ITGA1: variants seen among roughly 807,000 people sequenced by gnomAD.
ITGA1 encodes integrin subunit alpha 1, also known as integrin alpha-1.
In ITGA1, 85 loss-of-function variants were observed where a neutral mutation model predicts 145.9. That is an observed-to-expected ratio of 0.58 (90% CI 0.49 to 0.70). The LOEUF (loss-of-function observed/expected upper bound fraction) is 0.70, where lower values mean the gene tolerates loss of function less well. ITGA1 is among the 30% of genes least tolerant of loss of function. ITGA1 has a pLI of 0.00. For missense variants in ITGA1, 1,351 were observed against 1,418.7 expected (o/e 0.95, Z 0.77); for synonymous variants, 520 against 495.3 (o/e 1.05, Z -0.66).
chr5:52,792,820 T>C (rs1033239690), intron 1 of ITGA1, among the ~76,000 whole-genome samples: 4 of 152,162 alleles, frequency 2.6e-5, no homozygotes, highest in African/African-American at 9.6e-5. Flanking sequence ...AAAGATATTT[T>C]GAAACTGTTG....
At chr5:52,911,481 CTATA>C (rs576339075) in intron 14 of ITGA1, among the ~76,000 whole-genome samples, 2 of 121,032 alleles carry the variant, frequency 1.7e-5, no homozygotes, top group Admixed American at 9.9e-5. Context: ...TATAGATACA[CTATA>C]TATAGTATAT....
intron 15 of ITGA1, among the ~76,000 whole-genome samples, chr5:52,917,103 A>G (rs1750659862): frequency 6.6e-6 from 1 of 152,184 alleles, no homozygotes; most frequent in Non-Finnish European, 1.5e-5. Context: ...ATGATAGGAA[A>G]AACGTTTGGA....
intron 28 of ITGA1, among the ~76,000 whole-genome samples, chr5:52,949,479 C>T (rs1248194499): frequency 1.3e-5 from 2 of 152,140 alleles, no homozygotes; most frequent in East Asian, 3.8e-4. Context: ...CTACATTTTA[C>T]ACCTGAGGAC....
intron 1 of ITGA1, among the ~76,000 whole-genome samples, chr5:52,794,435 C>T (rs887684608): frequency 6.6e-6 from 1 of 151,246 alleles, no homozygotes; most frequent in African/African-American, 2.4e-5. Context: ...CTGTGTAACA[C>T]ATTTTACTTA....
chr5:52,932,994 T>A (rs1449256849), intron 22 of ITGA1: 2 of 152,092 alleles, frequency 1.3e-5, no homozygotes, highest in Non-Finnish European at 2.9e-5. Flanking sequence ...TCTTTTAATT[T>A]AAAAACTGTT....
intron 28 of ITGA1, among the ~76,000 whole-genome samples, chr5:52,951,201 C>T (rs183806965): frequency 1.4e-3 from 209 of 152,190 alleles, no homozygotes; most frequent in African/African-American, 4.8e-3. Context: ...GCCATAATTT[C>T]GTGATTAAAA....
At chr5:52,810,795 G>A (rs1415520554) in intron 1 of ITGA1, among the ~76,000 whole-genome samples, 2 of 152,102 alleles carry the variant, frequency 1.3e-5, no homozygotes, top group African/African-American at 4.8e-5. Context: ...CTGTCTTTCT[G>A]GGAATCATTT....
In ITGA1 at chr5:52,958,616, T is replaced by C. The variant is rs1369299715; in HGVS notation, c.*6165T>C. 6.6e-6 allele frequency: 1 copy of C among 152,184 alleles called. No individual in the cohort carries two copies. Among genetic ancestry groups the C allele is most frequent in the Non-Finnish European group, 1.5e-5 (1 of 68,036 alleles). The allele number at this position is 152,184 out of a possible 1,614,324, so 9.4% of individuals were successfully genotyped here. ...CTCTGCATTCCTTATTAGGAAAAAT[T>C]GGCCTGTAAGGAGAATGGTATACTG... On this transcript the variant is annotated 3_prime_UTR_variant, in exon 29 of 29. Transcript: ENST00000282588.
intron 14 of ITGA1, among the ~76,000 whole-genome samples, chr5:52,911,474 A>T (rs530812235): frequency 7.7e-6 from 1 of 130,138 alleles, no homozygotes; most frequent in African/African-American, 2.7e-5. Context: ...TCTAGTATAT[A>T]GATACACTAT....
intron 2 of ITGA1, among the ~76,000 whole-genome samples, chr5:52,858,168 C>G (rs80116920): frequency 2.6e-4 from 40 of 152,088 alleles, no homozygotes; most frequent in Admixed American, 1.2e-3. Context: ...AGCAAATAAG[C>G]TTTGTAAATC....
rs1405822053 is a variant in ITGA1 at position 52,919,405 on chromosome 5, G to A, written c.2155+507G>A. Among the ~76,000 whole-genome samples the A allele has an allele frequency of 2.6e-5, 4 of 152,126 alleles. No homozygotes were observed. In the East Asian group the frequency reaches 7.7e-4, roughly 29 times the overall value. On this transcript the variant is annotated intron_variant, in intron 16 of 28. Transcript: ENST00000282588. ...TTTCCGAGAGTCAGACTTGTTCTGT[G>A]TGTGTGTTCTCAGGTGCATCAGGTC...
chr5:52,924,368 A>G (rs1750772069), intron 18 of ITGA1, among the ~76,000 whole-genome samples: 1 of 152,040 alleles, frequency 6.6e-6, no homozygotes, highest in Non-Finnish European at 1.5e-5. Context: ...GGTGATTTCC[A>G]CCCTATTTAG....
At chr5:52,943,714 G>A (rs1345709041) in intron 26 of ITGA1, among the ~76,000 whole-genome samples, 5 of 152,170 alleles carry the variant, frequency 3.3e-5, no homozygotes, top group Admixed American at 2.6e-4. Context: ...CCCTACTCCA[G>A]TGCTGGCCCA....
At chr5:52,911,452 A>G (rs1750527349) in intron 14 of ITGA1, among the ~76,000 whole-genome samples, 1 of 133,190 alleles carries the variant, frequency 7.5e-6, no homozygotes, top group African/African-American at 2.7e-5. Flanking sequence ...TAGATACACT[A>G]TATATAGTGT....
intron 26 of ITGA1, among the ~76,000 whole-genome samples, chr5:52,941,539 A>G (rs1237816969): frequency 6.6e-6 from 1 of 152,006 alleles, no homozygotes; most frequent in African/African-American, 2.4e-5. Context: ...TGATAATGAG[A>G]GTTTTTTCAT....
chr5:52,832,649 C>T (rs931098312), intron 1 of ITGA1, among the ~76,000 whole-genome samples: 1 of 151,450 alleles, frequency 6.6e-6, no homozygotes, highest in Non-Finnish European at 1.5e-5. Flanking sequence ...ATATTACATA[C>T]ACTATGTTAG....
chr5:52,879,167 G>A (rs58146670), intron 6 of ITGA1, among the ~76,000 whole-genome samples: 3 of 152,074 alleles, frequency 2.0e-5, no homozygotes, highest in African/African-American at 7.2e-5. Context: ...TGATGCTGGG[G>A]AGGTCAAAGA....
At chr5:52,886,745 G>T (rs1182890389) in intron 7 of ITGA1, among the ~76,000 whole-genome samples, 2 of 152,064 alleles carry the variant, frequency 1.3e-5, no homozygotes, top group African/African-American at 4.8e-5. Context: ...TTCCATAAGT[G>T]CTGTTCAATT....
At chr5:52,844,262 T>C (rs893101722) in intron 1 of ITGA1, among the ~76,000 whole-genome samples, 4 of 152,186 alleles carry the variant, frequency 2.6e-5, no homozygotes, top group African/African-American at 9.6e-5. Context: ...TGGCCAGGAC[T>C]TTTCTCCTTA....
Sources: allele counts gnomAD v4.1 joint callset (sites outside exome capture counted in the v4.1 genomes callset), GRCh38; gene constraint gnomAD v4.1.1; transcripts MANE v1.5; gene names NCBI Gene and HGNC (gene_info 2026-07-23, HGNC 2026-07-21).